The following SPRED3 variants were observed in gnomAD, a reference collection of about 807,000 sequenced individuals.
SPRED3 encodes the protein sprouty-related, EVH1 domain-containing protein 3.
In SPRED3, 23 loss-of-function variants were observed where a neutral mutation model predicts 37.6. That is an observed-to-expected ratio of 0.61 (90% CI 0.44 to 0.87). The LOEUF is 0.87. Ranked by LOEUF, SPRED3 falls within the 40% of genes least tolerant of loss-of-function variation. SPRED3 has a pLI of 0.00. For synonymous variants in SPRED3, 302 were observed against 279.6 expected, an observed-to-expected ratio of 1.08 and a Z score of -0.80; for missense variants, 584 against 618.6, an observed-to-expected ratio of 0.94 and a Z score of 0.59.
At chr19:38,390,173 G>A in intron 1 of SPRED3, 126 bp from the exon 2 acceptor site, 1 of 926,596 alleles carries the variant, frequency 1.1e-6, no homozygotes, top group Non-Finnish European at 1.5e-6. Context: ...CTAGCTTAGG[G>A]TGCAGTGGAC....
chr19:38,393,136 A>G (rs765494863), intron 4 of SPRED3, among the ~76,000 whole-genome samples: 13 of 152,152 alleles, frequency 8.5e-5, no homozygotes, highest in Middle Eastern at 3.2e-3. Context: ...GTTGCCTGGA[A>G]CACTCTTTCC....
chr19:38,395,962 C>T lies in SPRED3; in HGVS notation c.1050C>T (p.Phe350=). The change falls in exon 6 of 6, where the codon TTC becomes TTT. Residue 350 remains phenylalanine, a synonymous_variant. Transcript: ENST00000691638. This position sits in a 1 kb window ranked among gnomAD's most constrained non-coding sequence, Gnocchi z 5.2. The stretch of plus-strand genomic sequence containing the variant: ...GCCTGTCGGACGCCGAGGGCGACTT[C>T]TCGGACCCGTGCGCCTGCGAGCCGG... ...YHCLSDAEGD[F]SDPCACEPGH... is the part of the protein sequence containing the mutation. 4 of 1,476,378 alleles carry T rather than the reference C, an allele frequency of 2.7e-6. No individual in the cohort carries two copies. Among genetic ancestry groups the T allele is most frequent in the Non-Finnish European group, 2.7e-6 (3 of 1,119,918 alleles). 91.5% of individuals were successfully genotyped at this position (1,476,378 alleles called of 1,614,324 possible).
In SPRED3 at chr19:38,395,378, T is replaced by G; in HGVS notation, c.568-102T>G. On this transcript the variant is annotated intron_variant, in intron 5 of 5. Coordinates refer to ENST00000691638, the MANE Select transcript of SPRED3 (RefSeq NM_001394336.1). This position sits in a 1 kb window ranked among gnomAD's most constrained non-coding sequence, Gnocchi z 5.2. ...ACCTTGGGAGAGAAGCAAGCTGGGG[T>G]CTTGAAAATCTGAATCCCAGACCCA... 3 of 1,134,844 alleles carry G rather than the reference T, an allele frequency of 2.6e-6. No homozygotes were observed. Among genetic ancestry groups the G allele is most frequent in the Non-Finnish European group, 3.5e-6 (3 of 851,550 alleles). 70.3% of individuals were successfully genotyped at this position (1,134,844 alleles called of 1,614,324 possible).
chr19:38,397,903 T>TAAAAAAAA lies in SPRED3; in HGVS notation c.*1766_*1773dup, dbSNP rs774014740. ...CTGGGCAATGTAGTGAGACCGTCTC[T>TAAAAAAAA]AAAAAAAAAAAAAAAGGACCAAGTA... is the stretch of plus-strand genomic sequence containing the variant. On this transcript the variant is annotated 3_prime_UTR_variant, in exon 6 of 6. Coordinates refer to ENST00000691638, the MANE Select transcript of SPRED3 (RefSeq NM_001394336.1). The TAAAAAAAA allele has an allele frequency of 2.3e-5, 3 of 131,984 alleles. No homozygotes were observed. Among genetic ancestry groups the TAAAAAAAA allele is most frequent in the African/African-American group, 8.8e-5 (3 of 34,240 alleles). 8.2% of individuals were successfully genotyped at this position (131,984 alleles called of 1,614,324 possible).
Position 38,395,636 on chromosome 19 carries a change from G to A in SPRED3, c.724G>A (p.Ala242Thr). ...LALSTCVVRF[A>T]KTGALRGAAL... ...CCTGTCCACCTGCGTCGTGCGCTTC[G>A]CCAAGACCGGCGCGTTGAGGGGCGC... Residue 242 changes from alanine (A) to threonine (T), a missense_variant, in exon 6 of 6, where the codon GCC (alanine) becomes ACC (threonine). Coordinates refer to ENST00000691638, the MANE Select transcript of SPRED3 (RefSeq NM_001394336.1). The surrounding 1 kb of genome is among the most constrained non-coding windows in gnomAD (Gnocchi z 5.2). The A allele has an allele frequency of 6.5e-7, 1 of 1,535,718 alleles. No homozygotes were observed. Among genetic ancestry groups the A allele is most frequent in the East Asian group, 2.6e-5 (1 of 38,094 alleles).
intron 2 of SPRED3, 131 bp downstream of exon 2, chr19:38,390,610 A>G: frequency 1.4e-6 from 1 of 699,430 alleles, no homozygotes; most frequent in Non-Finnish European, 2.1e-6. Context: ...TTGGGAGTGA[A>G]TATCTGTCCT....
chr19:38,397,262 C>A lies in SPRED3; in HGVS notation c.*1117C>A, dbSNP rs1970909484. Reference sequence around the variant, plus strand: ...TTCTTTCTACCCACAGATTCCCAACCCCTTAAGGGCTGGGAGTCCAGCTCC... The same window carrying A: ...TTCTTTCTACCCACAGATTCCCAACACCTTAAGGGCTGGGAGTCCAGCTCC... On this transcript the variant is annotated 3_prime_UTR_variant, in exon 6 of 6. Coordinates refer to ENST00000691638, the MANE Select transcript of SPRED3 (RefSeq NM_001394336.1). 1 of 152,184 alleles carries A rather than the reference C, an allele frequency of 6.6e-6. No individual in the cohort carries two copies. The highest frequency in any genetic ancestry group is 2.1e-4 in the South Asian group (1 of 4,828). 9.4% of individuals were successfully genotyped at this position (152,184 alleles called of 1,614,324 possible). A position where few individuals can be genotyped will look rare whatever the true frequency, so the allele number is the denominator to read the frequency against.
At chr19:38,388,873 G>A in intron 1 of SPRED3, 66 bp downstream of exon 1, 1 of 395,768 alleles carries the variant, frequency 2.5e-6, no homozygotes, top group Non-Finnish European at 4.5e-6. Context: ...GGGGGCGGCC[G>A]TGACCGCGCT....
intron 4 of SPRED3, chr19:38,394,267 T>A (rs1970865941): frequency 7.2e-7 from 1 of 1,387,330 alleles, no homozygotes; most frequent in Non-Finnish European, 9.7e-7. Flanking sequence ...AGAGGGATTC[T>A]GAGAAGCGGG....
intron 2 of SPRED3, among the ~76,000 whole-genome samples, chr19:38,390,763 T>TGGGGGGGGGGGGGGGGGGGG (rs1970819937): frequency 4.2e-5 from 3 of 71,322 alleles, no homozygotes; most frequent in East Asian, 4.6e-4. Flanking sequence ...CAGGGGGCAC[T>TGGGGGGGGGGGGGGGGGGGG]GCCCCCCCCC....
chr19:38,392,228 CT>C lies in SPRED3; in HGVS notation c.364del (p.Ser122ProfsTer19). The C allele has an allele frequency of 6.5e-7, 1 of 1,545,608 alleles. No individual in the cohort carries two copies. Among genetic ancestry groups the C allele is most frequent in the Non-Finnish European group, 8.8e-7 (1 of 1,130,654 alleles). On this transcript the variant is annotated frameshift_variant, in exon 4 of 6. Coordinates refer to ENST00000691638, the MANE Select transcript of SPRED3 (RefSeq NM_001394336.1). LOFTEE classifies it high-confidence loss of function. ...ALGRGSLTPS[S>X]SSSSSSPSQD... ...CTGCCCCAGGCTCACTCACCCCCTC[CT>C]CCTCCTCCTCCTCCTCCTCTCCTTC...
rs11538289 is a variant in SPRED3 at position 38,398,998 on chromosome 19, C to T, written c.*2853C>T. 0.024 allele frequency: 3,603 copies of T among 152,214 alleles called. 53 individuals carry two copies. The highest frequency in any genetic ancestry group is 0.043 in the South Asian group (209 of 4,822). 9.4% of individuals were successfully genotyped at this position (152,214 alleles called of 1,614,324 possible). A position where few individuals can be genotyped will look rare whatever the true frequency, so the allele number is the denominator to read the frequency against. ...CTGTCAGACCCACCAGAGCTGAGGGCGGAGGGATTGGGGGCTGGGGCAGCC... is the reference window on the plus strand; with the variant it reads ...CTGTCAGACCCACCAGAGCTGAGGGTGGAGGGATTGGGGGCTGGGGCAGCC... On this transcript the variant is annotated 3_prime_UTR_variant, in exon 6 of 6. Transcript: ENST00000691638.
chr19:38,393,559 A>T (rs1056267477), intron 4 of SPRED3, among the ~76,000 whole-genome samples: 4 of 151,892 alleles, frequency 2.6e-5, no homozygotes, highest in African/African-American at 9.7e-5. Flanking sequence ...GCTGATCTCA[A>T]ACTCCTGACC....
At chr19:38,390,234 C>G in intron 1 of SPRED3, 65 bp from the exon 2 acceptor site, 1 of 1,310,292 alleles carries the variant, frequency 7.6e-7, no homozygotes, top group South Asian at 2.9e-5. Flanking sequence ...AGGGAACATT[C>G]CATGGGAGAG....
chr19:38,390,530 G>T, intron 2 of SPRED3, 51 bp downstream of exon 2: 1 of 1,275,306 alleles, frequency 7.8e-7, no homozygotes, highest in South Asian at 2.5e-5. Flanking sequence ...GGAGGGAGGG[G>T]AGAGGGGCTG....
At chr19:38,392,366 C>T (rs1970844074) in intron 4 of SPRED3, 78 bp downstream of exon 4, 1 of 1,419,430 alleles carries the variant, frequency 7.0e-7, no homozygotes, top group African/African-American at 1.4e-5. Context: ...TGAGCACCTA[C>T]TGTGTAGCAG....
intron 2 of SPRED3, among the ~76,000 whole-genome samples, chr19:38,391,422 G>C (rs1471850485): frequency 2.0e-5 from 3 of 152,098 alleles, no homozygotes; most frequent in Non-Finnish European, 2.9e-5. Context: ...GAGATGTTCA[G>C]TAAAGTCTGG....
intron 1 of SPRED3, 53 bp downstream of exon 1, chr19:38,388,860 TGA>T: frequency 2.5e-6 from 1 of 396,204 alleles, no homozygotes; most frequent in Non-Finnish European, 4.4e-6. Flanking sequence ...CCTGCCCCGA[TGA>T]GGGGGCGGCC....
At position 38,391,076 on chromosome 19, in the gene SPRED3, G is replaced by T. The variant is rs115161582; in HGVS notation, c.177+597G>T. Among the ~76,000 whole-genome samples, 523 of 151,780 alleles carry T rather than the reference G, an allele frequency of 3.4e-3. 6 individuals are homozygous for T. The highest frequency in any genetic ancestry group is 0.012 in the African/African-American group (490 of 41,408). ...GGGAAAGGTTTTTTTTTTGGAGCAG[G>T]AGTCAGTGGAGGGATTTGAAATGGA... On this transcript the variant is annotated intron_variant, in intron 2 of 5. Coordinates refer to ENST00000691638, the MANE Select transcript of SPRED3 (RefSeq NM_001394336.1).
Sources: gnomAD v4.1 joint callset for allele counts (sites outside exome capture counted in the v4.1 genomes callset) on GRCh38, gnomAD v4.1.1 for gene constraint, Gnocchi (gnomAD v3.1) non-coding constraint, MANE v1.5 for transcripts, NCBI Gene and HGNC (gene_info 2026-07-23, HGNC 2026-07-21) for gene names.